ADGRB1: variants seen among roughly 807,000 people sequenced by gnomAD.
The protein encoded by ADGRB1 is brain-specific angiogenesis inhibitor 1.
In ADGRB1, 36 loss-of-function variants were observed where a neutral mutation model predicts 175.7. That is an observed-to-expected ratio of 0.20 (90% CI 0.16 to 0.27). ADGRB1 has a LOEUF of 0.27. Among genes scored for constraint, ADGRB1 ranks in the 10% least tolerant of loss-of-function variants. The pLI, the probability that ADGRB1 is intolerant of heterozygous loss-of-function variation, is 1.00. For missense variants in ADGRB1, 1,731 were observed against 2,255.3 expected (o/e 0.77, Z 4.71); for synonymous variants, 1,054 against 979.4 (o/e 1.08, Z -1.42).
At position 142,464,497 on chromosome 8, in the gene ADGRB1, G is replaced by T; in HGVS notation, c.299G>T (p.Arg100Leu). 2 of 1,580,066 alleles carry T rather than the reference G, an allele frequency of 1.3e-6. No homozygotes were observed. Among genetic ancestry groups the T allele is most frequent in the Non-Finnish European group, 8.6e-7 (1 of 1,167,444 alleles). Residue 100 changes from arginine (R) to leucine (L), a missense_variant, in exon 2 of 31, where the codon CGC becomes CTC. Transcript: ENST00000517894. The stretch of plus-strand genomic sequence containing the variant: ...CCCTGCAGCGGCCCCGGCCGCGTGC[G>T]CACCTACCAGTTCGACTCCTTCCTC... ...PVPCSGPGRV[R>L]TYQFDSFLES... is the part of the protein sequence containing the mutation.
chr8:142,516,448 G>A (rs1371998701), intron 18 of ADGRB1, among the ~76,000 whole-genome samples: 20 of 135,178 alleles, frequency 1.5e-4, no homozygotes, highest in South Asian at 1.5e-3. Context: ...CCCCAGGTGC[G>A]TGTGTCTGTG....
At position 142,460,534 on chromosome 8, in the gene ADGRB1, A is replaced by ACACC. The variant is rs1361797700; in HGVS notation, c.-219-3444_-219-3441dup. On this transcript the variant is annotated intron_variant, in intron 1 of 30. Coordinates refer to ENST00000517894, the MANE Select transcript of ADGRB1 (RefSeq NM_001702.3). Reference sequence around the variant, plus strand: ...GAAGTAACCTGAGCCCTCTCTCCCCACACCCCCCTGACTTGCTGATGGCCC... The same window carrying ACACC: ...GAAGTAACCTGAGCCCTCTCTCCCCACACCCACCCCCCTGACTTGCTGATGGCCC... 8.5e-5 allele frequency among the ~76,000 whole-genome samples: 13 copies of ACACC among 152,136 alleles called. No individual in the cohort carries two copies. The East Asian group carries it at 2.5e-3, about 29-fold the overall frequency.
chr8:142,495,400 G>A (rs1329107389), intron 17 of ADGRB1, among the ~76,000 whole-genome samples: 1 of 152,042 alleles, frequency 6.6e-6, no homozygotes, highest in East Asian at 1.9e-4. Context: ...GAAGGTGTCT[G>A]GAAGGATAGA....
Position 142,493,376 on chromosome 8 carries a change from G to T in ADGRB1, c.2675+2561G>T, listed in dbSNP as rs1166726982. On this transcript the variant is annotated intron_variant, in intron 17 of 30. Transcript: ENST00000517894. The surrounding 1 kb of genome is among the most constrained non-coding windows in gnomAD (Gnocchi z 5.0). ...CAGGGGCGGGGGCAGCAGGACGGCG[G>T]TCAAGTCCCCAGGGTGTTTGGCGTC... Among the ~76,000 whole-genome samples, 1 of 152,096 alleles carries T rather than the reference G, an allele frequency of 6.6e-6. No homozygotes were observed. The highest frequency in any genetic ancestry group is 2.0e-4 in the East Asian group (1 of 5,128).
At chr8:142,533,501 G>C in intron 25 of ADGRB1, 35 bp downstream of exon 25, 1 of 1,560,856 alleles carries the variant, frequency 6.4e-7, no homozygotes, top group African/African-American at 1.4e-5. Flanking sequence ...CCGGGCTCCT[G>C]CGGGGTCCTG....
rs1408804022 is a variant in ADGRB1 at position 142,542,780 on chromosome 8, C to T, written c.4413+133C>T. 6.1e-6 allele frequency: 5 copies of T among 814,436 alleles called. No individual in the cohort carries two copies. Among genetic ancestry groups the T allele is most frequent in the Admixed American group, 6.3e-5 (2 of 31,776 alleles). 50.5% of individuals were successfully genotyped at this position (814,436 alleles called of 1,614,324 possible). On this transcript the variant is annotated intron_variant, in intron 28 of 30. Coordinates refer to ENST00000517894, the MANE Select transcript of ADGRB1 (RefSeq NM_001702.3). The surrounding 1 kb of genome is among the most constrained non-coding windows in gnomAD (Gnocchi z 6.3). Reference sequence around the variant, plus strand: ...CTCTGCCTCCTAGCTACACCCCCCACCCCTGGCCCTGCTGGGTGTGCTGTG... The same window carrying T: ...CTCTGCCTCCTAGCTACACCCCCCATCCCTGGCCCTGCTGGGTGTGCTGTG...
chr8:142,489,485 T>C, intron 16 of ADGRB1, 47 bp downstream of exon 16: 1 of 1,582,880 alleles, frequency 6.3e-7, no homozygotes, highest in Admixed American at 1.7e-5. Context: ...GAAACGCGTG[T>C]GCGCGAATTC....
chr8:142,457,896 C>T (rs1410949799), intron 1 of ADGRB1, among the ~76,000 whole-genome samples: 2 of 152,202 alleles, frequency 1.3e-5, no homozygotes, highest in South Asian at 4.1e-4. Flanking sequence ...CCTCTGCTTC[C>T]GGTACCAGGC....
chr8:142,479,829 C>G, intron 9 of ADGRB1, 35 bp downstream of exon 9: 2 of 1,583,108 alleles, frequency 1.3e-6, no homozygotes, highest in Non-Finnish European at 1.7e-6. Context: ...TATGGGGGCT[C>G]CCGTCCTGTC....
At chr8:142,469,777 CTCTG>C (rs1840547877) in intron 2 of ADGRB1, among the ~76,000 whole-genome samples, 1 of 149,282 alleles carries the variant, frequency 6.7e-6, no homozygotes, top group African/African-American at 2.5e-5. Context: ...GTGTGTATGT[CTCTG>C]TGTGTGCACG....
intron 24 of ADGRB1, among the ~76,000 whole-genome samples, chr8:142,531,862 C>A (rs1417350649): frequency 6.6e-6 from 1 of 152,130 alleles, no homozygotes; most frequent in Non-Finnish European, 1.5e-5. Context: ...GCTGTGCCTG[C>A]TGAGAGGTCC....
At chr8:142,517,780 A>C (rs1431105076) in intron 18 of ADGRB1, among the ~76,000 whole-genome samples, 2 of 151,972 alleles carry the variant, frequency 1.3e-5, no homozygotes, top group Non-Finnish European at 2.9e-5. Flanking sequence ...GTGGGCCTGG[A>C]CCTGGCACCT....
intron 17 of ADGRB1, among the ~76,000 whole-genome samples, chr8:142,494,816 G>A (rs1292289680): frequency 6.6e-6 from 1 of 151,986 alleles, no homozygotes; most frequent in African/African-American, 2.4e-5. Context: ...CCCTGCACCA[G>A]CCTGGCTTGT....
At chr8:142,500,288 C>CCT (rs1842439266) in intron 17 of ADGRB1, among the ~76,000 whole-genome samples, 1 of 84,070 alleles carries the variant, frequency 1.2e-5, no homozygotes. Context: ...TCCACCTCCC[C>CCT]ACGCGCCGCT....
rs780400470 is a variant in ADGRB1, at chr8:142,464,338, T to C, written c.140T>C (p.Val47Ala). 2 of 1,507,846 alleles carry C rather than the reference T, an allele frequency of 1.3e-6. No individual in the cohort carries two copies. Among genetic ancestry groups the C allele is most frequent in the Admixed American group, 2.1e-5 (1 of 47,654 alleles). 93.4% of individuals were successfully genotyped at this position (1,507,846 alleles called of 1,614,324 possible). Reference sequence around the variant, plus strand: ...GGGCCCGAGCCGTGCGCCACGCTGGTGCAGGGAAAGTTCTTCGGCTACTTC... The same window carrying C: ...GGGCCCGAGCCGTGCGCCACGCTGGCGCAGGGAAAGTTCTTCGGCTACTTC... ...GPGPEPCATL[V>A]QGKFFGYFSA... The change falls in exon 2 of 31, where the codon GTG (valine) becomes GCG (alanine). Residue 47 changes from valine (V) to alanine (A), a missense_variant. Val to Ala is a moderately conservative substitution (Grantham distance 64, BLOSUM62 0). Coordinates refer to ENST00000517894, the MANE Select transcript of ADGRB1 (RefSeq NM_001702.3).
intron 24 of ADGRB1, among the ~76,000 whole-genome samples, chr8:142,532,552 C>T (rs1173418238): frequency 6.6e-6 from 1 of 152,240 alleles, no homozygotes; most frequent in South Asian, 2.1e-4. Context: ...CGGAGCTGGC[C>T]CACGAAGAGG....
intron 27 of ADGRB1, among the ~76,000 whole-genome samples, chr8:142,541,097 C>T (rs76137080): frequency 0.13 from 19,396 of 151,760 alleles, 1,362 homozygotes; most frequent in South Asian, 0.28. Flanking sequence ...GGGCAGGACA[C>T]AGGGGGCAGG....
chr8:142,520,004 ATGGTGATGG>A (rs1454718836), intron 19 of ADGRB1, among the ~76,000 whole-genome samples: 1 of 78,912 alleles, frequency 1.3e-5, no homozygotes, highest in Non-Finnish European at 2.8e-5. Flanking sequence ...GCTAGTGATT[ATGGTGATGG>A]TGGTGATGGT....
In ADGRB1 at chr8:142,522,099, C is replaced by T; in HGVS notation, c.3159C>T (p.Phe1053=). ...HLRNRLIRKR[F]LCLGWGLPAL... ...GGAACCGCCTCATCCGCAAGCGCTT[C>T]CTCTGCCTGGGCTGGGGTGAGCCGC... is the stretch of plus-strand genomic sequence containing the variant. Residue 1053 remains phenylalanine, a synonymous_variant, in exon 21 of 31, where the codon TTC becomes TTT. Transcript: ENST00000517894. The T allele has an allele frequency of 6.2e-7, 1 of 1,610,718 alleles. No homozygotes were observed. The highest frequency in any genetic ancestry group is 8.5e-7 in the Non-Finnish European group (1 of 1,179,698).
Sources: gnomAD v4.1 joint callset for allele counts (sites outside exome capture counted in the v4.1 genomes callset) on GRCh38, gnomAD v4.1.1 for gene constraint, Gnocchi (gnomAD v3.1) non-coding constraint, MANE v1.5 for transcripts, NCBI Gene and HGNC (gene_info 2026-07-23, HGNC 2026-07-21) for gene names.